TTN: variants seen among roughly 807,000 people sequenced by gnomAD.
The protein encoded by TTN is connectin.
A neutral mutation model predicts 3,223.0 loss-of-function variants in TTN; 1,525 were observed. The ratio of observed to expected loss-of-function variants is 0.47; its 90% CI spans 0.45 to 0.49. The LOEUF is 0.49. Among genes scored for constraint, TTN ranks in the 20% least tolerant of loss-of-function variants. The pLI is 0.00. For missense variants in TTN, 40,786 were observed against 43,424.0 expected (o/e 0.94, Z 5.40); for synonymous variants, 14,094 against 15,161.0 (o/e 0.93, Z 5.17).
rs373738818 is a variant in TTN at position 178,556,869 on chromosome 2, T to C, written c.88285A>G (p.Ile29429Val). The stretch of plus-strand genomic sequence containing the variant: ...TTACCATAAGAATCGATGCAAGTAA[T>C]GGGCCCTACAACCTCAGATGGATTG... ...ISNPSEVVGPITCIDSYGGPV... is the reference protein window; with the variant it reads ...ISNPSEVVGPVTCIDSYGGPV... Residue 29429 changes from isoleucine (I) to valine (V), a missense_variant, in exon 330 of 363, where the codon ATT (isoleucine) becomes GTT (valine). Coordinates refer to ENST00000589042, the MANE Select transcript of TTN (RefSeq NM_001267550.2). The C allele has an allele frequency of 1.2e-4, 199 of 1,613,612 alleles. No homozygotes were observed. Among genetic ancestry groups the C allele is most frequent in the Non-Finnish European group, 1.5e-4 (182 of 1,179,822 alleles).
rs754781053 is a variant in TTN at position 178,543,916 on chromosome 2, A to G, written c.96228T>C (p.Asn32076=). The change falls in exon 346 of 363, where the codon AAT becomes AAC. Residue 32076 remains asparagine (N), a synonymous_variant. Coordinates refer to ENST00000589042, the MANE Select transcript of TTN (RefSeq NM_001267550.2). ...TTGTGTATTTTCCAGCATCGTACCG[A>G]TTAACTTTGTCCACTATTAGCAATG... ...SYSLLIVDKV[N]RYDAGKYTIE... The G allele has an allele frequency of 1.2e-6, 2 of 1,613,684 alleles. No homozygotes were observed. The highest frequency in any genetic ancestry group is 1.7e-6 in the Non-Finnish European group (2 of 1,179,714).
chr2:178,733,178 A>T, intron 54 of TTN, 57 bp from the exon 55 acceptor site: 1 of 1,556,556 alleles, frequency 6.4e-7, no homozygotes, highest in Non-Finnish European at 8.7e-7. Context: ...TCAGTGATTG[A>T]CTTTAGGCCA....
rs1249798164 is a variant in TTN at position 178,689,878 on chromosome 2, T to G, written c.31781A>C (p.Lys10594Thr). ...APPKVPEVPK[K>T]PVPEEKIPVP... ...GGGAATCTTTTCTTCAGGGACAGGT[T>G]TCTTTGGCACCTCTGGGACTTAAAG... The change falls in exon 122 of 363, where the codon AAA becomes ACA. Residue 10594 changes from lysine to threonine, a missense_variant. Lys to Thr is a moderately conservative substitution (Grantham distance 78). Coordinates refer to ENST00000589042, the MANE Select transcript of TTN (RefSeq NM_001267550.2). 2 of 1,613,374 alleles carry G rather than the reference T, an allele frequency of 1.2e-6. No individual in the cohort carries two copies. Among genetic ancestry groups the G allele is most frequent in the Non-Finnish European group, 8.5e-7 (1 of 1,179,604 alleles).
At position 178,618,609 on chromosome 2, in the gene TTN, T is replaced by C. The variant is rs2154209766; in HGVS notation, c.46941A>G (p.Glu15647=). The C allele has an allele frequency of 6.2e-7, 1 of 1,612,160 alleles. No homozygotes were observed. The change falls in exon 251 of 363, where the codon GAA becomes GAG. Residue 15647 remains glutamate (E), a synonymous_variant. Coordinates refer to ENST00000589042, the MANE Select transcript of TTN (RefSeq NM_001267550.2). ...CAATAACTTTTAAATTGATGAATCC[T>C]TCTGCTTTTCCATGTTTGTTCTGAA... is the stretch of plus-strand genomic sequence containing the variant. ...IVLQNKHGKA[E]GFINLKVIDV...
rs1309343049 is a variant in TTN at position 178,561,700 on chromosome 2, T to G, written c.84432A>C (p.Ser28144=). 6.2e-7 allele frequency: 1 copy of G among 1,608,696 alleles called. No homozygotes were observed. The highest frequency in any genetic ancestry group is 8.5e-7 in the Non-Finnish European group (1 of 1,176,568). The part of the protein sequence containing the change: ...RYGKSSYSES[S]AVVAEYPFSP... ...TGAATGGATACTCTGCAACAACAGC[T>G]GAAGATTCACTGTAGGAGCTCTTTC... The change falls in exon 326 of 363, where the codon TCA becomes TCC. Residue 28144 remains serine, a synonymous_variant. Transcript: ENST00000589042.
rs1446542554 is a variant in TTN, at chr2:178,707,712, T to A, written c.28855A>T (p.Ile9619Phe). 1 of 1,613,964 alleles carries A rather than the reference T, an allele frequency of 6.2e-7. No individual in the cohort carries two copies. The highest frequency in any genetic ancestry group is 1.7e-5 in the Admixed American group (1 of 60,008). Residue 9619 changes from isoleucine (I) to phenylalanine (F), a missense_variant, in exon 100 of 363, where the codon ATT (isoleucine) becomes TTT (phenylalanine). Coordinates refer to ENST00000589042, the MANE Select transcript of TTN (RefSeq NM_001267550.2). ...CCAGCCTTCAACCACTGGATCCTAA[T>A]TGGCTCAGATCCCTGGACATGGCAG... ...LSCHVQGSEPIRIQWLKAGRE... is the reference protein window; with the variant it reads ...LSCHVQGSEPFRIQWLKAGRE...
At position 178,579,487 on chromosome 2, in the gene TTN, C is replaced by G. The variant is rs1035818845; in HGVS notation, c.67636+74G>C. On this transcript the variant is annotated intron_variant, in intron 319 of 362. Coordinates refer to ENST00000589042, the MANE Select transcript of TTN (RefSeq NM_001267550.2). ...AGCTTTTAACGGATTTTTAGATAAG[C>G]TAGTGAGTGGGACACAAGAGTGCAC... 1.1e-5 allele frequency: 17 copies of G among 1,577,158 alleles called. No homozygotes were observed. The African/African-American group carries it at 2.2e-4, about 20-fold the overall frequency.
At chr2:178,723,362 A>G (rs1446915670) in intron 74 of TTN, 38 bp from the exon 75 acceptor site, 3 of 1,603,412 alleles carry the variant, frequency 1.9e-6, no homozygotes, top group Non-Finnish European at 2.6e-6. Context: ...AACACAAGAA[A>G]AACACAAGGA....
rs540957547 is a variant in TTN at position 178,776,863 on chromosome 2, A to G, written c.5001T>C (p.Tyr1667=). Residue 1667 remains tyrosine, a synonymous_variant, in exon 28 of 363, where the codon TAT becomes TAC. Transcript: ENST00000589042. ...ERKLIIPRGT[Y]RAKEIAAPEL... ...CTGGGGCTGCAATCTCCTTTGCTCTATATGTCCCCCGTGGGATGATTAACT... is the reference window on the plus strand; with the variant it reads ...CTGGGGCTGCAATCTCCTTTGCTCTGTATGTCCCCCGTGGGATGATTAACT... The G allele has an allele frequency of 9.3e-6, 15 of 1,613,666 alleles. No individual in the cohort carries two copies. The South Asian group carries it at 1.3e-4, about 14-fold the overall frequency.
At position 178,587,216 on chromosome 2, in the gene TTN, G is replaced by A; in HGVS notation, c.63995C>T (p.Pro21332Leu). Residue 21332 changes from proline (P) to leucine (L), a missense_variant, in exon 307 of 363, where the codon CCT becomes CTT. Physicochemically the swap from Pro to Leu is moderately conservative, Grantham distance 98 (BLOSUM62 -3). Transcript: ENST00000589042. ...TACTCTGAAGTAATACTCATTCCCA[G>A]GGACAAGATTGGTTACATGGAAGCT... ...KTSFHVTNLVPGNEYYFRVTA... is the reference protein window; with the variant it reads ...KTSFHVTNLVLGNEYYFRVTA... 1 of 1,613,252 alleles carries A rather than the reference G, an allele frequency of 6.2e-7. No homozygotes were observed. Among genetic ancestry groups the A allele is most frequent in the Non-Finnish European group, 8.5e-7 (1 of 1,179,444 alleles).
intron 102 of TTN, 119 bp from the exon 103 acceptor site, chr2:178,705,476 T>C: frequency 2.4e-6 from 2 of 828,126 alleles, no homozygotes; most frequent in Non-Finnish European, 3.4e-6. Context: ...ATTCAATAAA[T>C]ATTAATTTTA....
chr2:178,754,435 T>G (rs1451011409), intron 46 of TTN, among the ~76,000 whole-genome samples: 1 of 152,094 alleles, frequency 6.6e-6, no homozygotes, highest in Admixed American at 6.6e-5. Flanking sequence ...TTTAATAATA[T>G]TATCAATTGG....
At chr2:178,681,518 A>C in intron 136 of TTN, 68 bp from the exon 137 acceptor site, 1 of 1,492,212 alleles carries the variant, frequency 6.7e-7, no homozygotes, top group Non-Finnish European at 9.1e-7. Context: ...CAAGAACAAA[A>C]AGTTAAGAAA....
In TTN at chr2:178,621,316, T is replaced by C; in HGVS notation, c.45402A>G (p.Gly15134=). 1 of 1,611,952 alleles carries C rather than the reference T, an allele frequency of 6.2e-7. No homozygotes were observed. Among genetic ancestry groups the C allele is most frequent in the Non-Finnish European group, 8.5e-7 (1 of 1,179,008 alleles). Residue 15134 remains glycine, a synonymous_variant, in exon 246 of 363, where the codon GGA becomes GGG. Coordinates refer to ENST00000589042, the MANE Select transcript of TTN (RefSeq NM_001267550.2). ...SKPQNLEILE[G]EKAEFVCSIS... Reference sequence around the variant, plus strand: ...TAGAGCAGACAAATTCAGCCTTTTCTCCTTCAAGTATTTCAAGGTTTTGAG... The same window carrying C: ...TAGAGCAGACAAATTCAGCCTTTTCCCCTTCAAGTATTTCAAGGTTTTGAG...
rs927165447 is a variant in TTN at position 178,773,897 on chromosome 2, T to C, written c.7271A>G (p.Asn2424Ser). The C allele has an allele frequency of 1.2e-6, 2 of 1,614,118 alleles. No homozygotes were observed. The highest frequency in any genetic ancestry group is 1.7e-6 in the Non-Finnish European group (2 of 1,179,982). Residue 2424 changes from asparagine (N) to serine (S), a missense_variant, in exon 31 of 363, where the codon AAT becomes AGT. Transcript: ENST00000589042. ...IEDMTKEDAG[N>S]YSFTIPALGL... is the part of the protein sequence containing the mutation. ...AAGGGCTGGAATGGTGAAAGAGTAA[T>C]TTCCAGCATCTTCCTTAGTCATGTC... is the stretch of plus-strand genomic sequence containing the variant.
rs762973399 is a variant in TTN at position 178,739,953 on chromosome 2, A to G, written c.13280T>C (p.Val4427Ala). The change falls in exon 48 of 363, where the codon GTC becomes GCC. Residue 4427 changes from valine (V) to alanine (A), a missense_variant. Transcript: ENST00000589042. ...EWLRNIEKVE[V>A]EAVNITQEPR... ...CTCTTGGGTGATGTTTACAGCCTCG[A>G]CCTCCACCTTTTCAATATTTCTTAG... The G allele has an allele frequency of 5.0e-6, 8 of 1,613,568 alleles. No homozygotes were observed. The African/African-American group carries it at 8.0e-5, about 16-fold the overall frequency.
intron 26 of TTN, 21 bp downstream of exon 26, chr2:178,777,393 ATTTATT>A: frequency 2.5e-6 from 4 of 1,611,128 alleles, no homozygotes; most frequent in Non-Finnish European, 3.4e-6. Context: ...AAGAAAATTC[ATTTATT>A]TTTATTTTAT....
Position 178,612,235 on chromosome 2 carries a change from C to T in TTN, c.50248+42G>A, listed in dbSNP as rs149307363. On this transcript the variant is annotated intron_variant, in intron 266 of 362. Transcript: ENST00000589042. The stretch of plus-strand genomic sequence containing the variant: ...AATCTCCTGTCACAAAAATTAAGTG[C>T]GAGAGCACTTATTGTCACAAAGATT... The T allele has an allele frequency of 3.5e-4, 558 of 1,606,196 alleles. 3 individuals are homozygous for T. In the African/African-American group the frequency reaches 6.0e-3, roughly 17 times the overall value.
rs2079430726 is a variant in TTN at position 178,726,871 on chromosome 2, A to G, written c.20275+219T>C. On this transcript the variant is annotated intron_variant, in intron 69 of 362. Transcript: ENST00000589042. ...TGGCAAATGTGTTGAGGTAATCAGA[A>G]TTATGACACTGGAATAACAAAAATA... 3 of 400,666 alleles carry G rather than the reference A, an allele frequency of 7.5e-6. No individual in the cohort carries two copies. In the East Asian group the frequency reaches 1.1e-4, roughly 15 times the overall value. 24.8% of individuals were successfully genotyped at this position (400,666 alleles called of 1,614,324 possible). A position where few individuals can be genotyped will look rare whatever the true frequency, so the allele number is the denominator to read the frequency against.
Sources: gnomAD v4.1 joint callset for allele counts (sites outside exome capture counted in the v4.1 genomes callset) on GRCh38, gnomAD v4.1.1 for gene constraint, MANE v1.5 for transcripts, NCBI Gene and HGNC (gene_info 2026-07-23, HGNC 2026-07-21) for gene names.